OTULINL: variants seen among roughly 807,000 people sequenced by gnomAD.
OTULINL encodes OTU deubiquitinase with linear linkage specificity like.
A neutral mutation model predicts 43.9 loss-of-function variants in OTULINL; 42 were observed. That is an observed-to-expected ratio of 0.96 (90% CI 0.75 to 1.24). The LOEUF is 1.24. Ranked by LOEUF, OTULINL falls within the 50% of genes most tolerant of loss-of-function variation. The pLI is 0.00. For missense variants in OTULINL, 411 were observed against 426.4 expected (o/e 0.96, Z 0.32); for synonymous variants, 172 against 153.6 (o/e 1.12, Z -0.88).
chr5:14,584,323 A>T (rs1384797172), intron 1 of OTULINL, among the ~76,000 whole-genome samples: 2 of 152,188 alleles, frequency 1.3e-5, no homozygotes, highest in Non-Finnish European at 2.9e-5. Context: ...TTCAGGAACC[A>T]CAGGACTCAT....
At chr5:14,607,929 A>G (rs116563509) in intron 6 of OTULINL, among the ~76,000 whole-genome samples, 1,634 of 152,344 alleles carry the variant, frequency 0.011, 31 homozygotes, top group African/African-American at 0.037. Flanking sequence ...CTTGGGAAAT[A>G]ACCTTTCTGG....
chr5:14,588,020 C>T (rs558393461), intron 1 of OTULINL, among the ~76,000 whole-genome samples: 18 of 152,178 alleles, frequency 1.2e-4, no homozygotes, highest in African/African-American at 1.4e-4. Flanking sequence ...GCCTTTGGGT[C>T]GACAGGTTTA....
At position 14,611,650 on chromosome 5, in the gene OTULINL, A is replaced by T. The variant is rs1560970084; in HGVS notation, c.*1336A>T. The T allele has an allele frequency of 1.3e-5, 2 of 152,104 alleles. No individual in the cohort carries two copies. The highest frequency in any genetic ancestry group is 4.1e-4 in the South Asian group (2 of 4,832). 9.4% of individuals were successfully genotyped at this position (152,104 alleles called of 1,614,324 possible). A position where few individuals can be genotyped will look rare whatever the true frequency, so the allele number is the denominator to read the frequency against. ...GTAGCAACAGAAAACTAGTATTCTCAGGCTAGTTTTTGGTCGTCTTTATTT... is the reference window on the plus strand; with the variant it reads ...GTAGCAACAGAAAACTAGTATTCTCTGGCTAGTTTTTGGTCGTCTTTATTT... On this transcript the variant is annotated 3_prime_UTR_variant, in exon 8 of 8. Coordinates refer to ENST00000274217, the MANE Select transcript of OTULINL (RefSeq NM_019018.3).
Position 14,615,172 on chromosome 5 carries a change from T to C in OTULINL, c.*4858T>C, listed in dbSNP as rs1473368545. The stretch of plus-strand genomic sequence containing the variant: ...TGACACTGGAATGCTTTAAGGATGG[T>C]TTGTGACTTTACCCCATTGTGCCTT... On this transcript the variant is annotated 3_prime_UTR_variant, in exon 8 of 8. Coordinates refer to ENST00000274217, the MANE Select transcript of OTULINL (RefSeq NM_019018.3). 6.6e-6 allele frequency among the ~76,000 whole-genome samples: 1 copy of C among 152,190 alleles called. No homozygotes were observed. Among genetic ancestry groups the C allele is most frequent in the Non-Finnish European group, 1.5e-5 (1 of 68,028 alleles).
intron 5 of OTULINL, among the ~76,000 whole-genome samples, chr5:14,602,654 T>G (rs1759408604): frequency 6.6e-6 from 1 of 152,188 alleles, no homozygotes; most frequent in Admixed American, 6.5e-5. Flanking sequence ...CAGGCTGGTC[T>G]TGAACTTCTG....
At position 14,610,412 on chromosome 5, in the gene OTULINL, G is replaced by A; in HGVS notation, c.*98G>A. On this transcript the variant is annotated 3_prime_UTR_variant, in exon 8 of 8. Transcript: ENST00000274217. ...CCAAAGCTAGCATTTCAGCATGGAAGGAATTAGGACCTTTTCTTCAGGATT... is the reference window on the plus strand; with the variant it reads ...CCAAAGCTAGCATTTCAGCATGGAAAGAATTAGGACCTTTTCTTCAGGATT... 1.6e-6 allele frequency: 2 copies of A among 1,287,220 alleles called. No individual in the cohort carries two copies. The highest frequency in any genetic ancestry group is 2.2e-6 in the Non-Finnish European group (2 of 919,398). 79.7% of individuals were successfully genotyped at this position (1,287,220 alleles called of 1,614,324 possible).
chr5:14,586,617 A>C (rs557155219), intron 1 of OTULINL, among the ~76,000 whole-genome samples: 1 of 152,224 alleles, frequency 6.6e-6, no homozygotes, highest in Non-Finnish European at 1.5e-5. Context: ...GGATAGACAC[A>C]AAGTTACCTA....
chr5:14,581,920 G>A lies in OTULINL; in HGVS notation c.26G>A (p.Arg9Gln), dbSNP rs1759006048. The A allele has an allele frequency of 4.3e-6, 6 of 1,409,244 alleles. No individual in the cohort carries two copies. The highest frequency in any genetic ancestry group is 3.0e-5 in the African/African-American group (2 of 66,618). The allele number at this position is 1,409,244 out of a possible 1,614,324, so 87.3% of individuals were successfully genotyped here. A position where few individuals can be genotyped will look rare whatever the true frequency, so the allele number is the denominator to read the frequency against. MAATRSPT[R>Q]ARERERSGAP... is the part of the protein sequence containing the mutation. ...ATGGCGGCGACAAGGAGCCCCACGC[G>A]GGCAAGGGAGCGGGAGCGGTCTGGC... The change falls in exon 1 of 8, where the codon CGG (arginine) becomes CAG (glutamine). Residue 9 changes from arginine (R) to glutamine (Q), a missense_variant. Coordinates refer to ENST00000274217, the MANE Select transcript of OTULINL (RefSeq NM_019018.3).
rs755042860 is a variant in OTULINL at position 14,600,998 on chromosome 5, C to T, written c.98C>T (p.Thr33Ile). 9.8e-6 allele frequency: 15 copies of T among 1,535,716 alleles called. No individual in the cohort carries two copies. The Admixed American group carries it at 2.6e-4, about 27-fold the overall frequency. The change falls in exon 2 of 8, where the codon ACA becomes ATA. Residue 33 changes from threonine (T) to isoleucine (I), a missense_variant. Physicochemically the swap from Thr to Ile is moderately conservative, Grantham distance 89. Coordinates refer to ENST00000274217, the MANE Select transcript of OTULINL (RefSeq NM_019018.3). ...SDQVHSWMLA[T>I]SQALDTVWRM... ...CAAGTTCACTCCTGGATGCTAGCTACAAGCCAAGCCTTAGACACTGTCTGG... is the reference window on the plus strand; with the variant it reads ...CAAGTTCACTCCTGGATGCTAGCTATAAGCCAAGCCTTAGACACTGTCTGG...
chr5:14,602,204 C>T lies in OTULINL; in HGVS notation c.370C>T (p.Arg124Trp), dbSNP rs747354708. ...TTAGGCTTATGAGGAGCTATTTTGG[C>T]GGCATCACATTAAATGTGTTCGACA... is the stretch of plus-strand genomic sequence containing the variant. Reference protein sequence around the residue: ...MRKAYEELFWRHHIKCVRQVR... With the variant: ...MRKAYEELFWWHHIKCVRQVR... Residue 124 changes from arginine to tryptophan, a missense_variant, in exon 5 of 8, where the codon CGG (arginine) becomes TGG (tryptophan). Transcript: ENST00000274217. 23 of 1,605,412 alleles carry T rather than the reference C, an allele frequency of 1.4e-5. No individual in the cohort carries two copies. The highest frequency in any genetic ancestry group is 4.0e-5 in the African/African-American group (3 of 74,612).
In OTULINL at chr5:14,601,372, A is replaced by G. The variant is rs1362427581; in HGVS notation, c.278A>G (p.Glu93Gly). Residue 93 changes from glutamate (E) to glycine (G), a missense_variant, in exon 4 of 8, where the codon GAG (glutamate) becomes GGG (glycine). Physicochemically the swap from Glu to Gly is moderately conservative, Grantham distance 98. Coordinates refer to ENST00000274217, the MANE Select transcript of OTULINL (RefSeq NM_019018.3). Reference sequence around the variant, plus strand: ...CCAGGGAACCTCAGTGTGGAGGCAGAGGTTGATTTACTCAGTTATTGTGCA... The same window carrying G: ...CCAGGGAACCTCAGTGTGGAGGCAGGGGTTGATTTACTCAGTTATTGTGCA... ...KFKRNLSVEA[E>G]VDLLSYCARE... The G allele has an allele frequency of 6.2e-7, 1 of 1,614,174 alleles. No individual in the cohort carries two copies. Among genetic ancestry groups the G allele is most frequent in the African/African-American group, 1.3e-5 (1 of 75,044 alleles).
rs75269725 is a variant in OTULINL at position 14,593,644 on chromosome 5, A to G, written c.65-7321A>G. ...TAGTTGGGTGGATTTTTAAAATGCA[A>G]TGATTAGAAAATGAAACTTACCTTT... is the stretch of plus-strand genomic sequence containing the variant. On this transcript the variant is annotated intron_variant, in intron 1 of 7. Coordinates refer to ENST00000274217, the MANE Select transcript of OTULINL (RefSeq NM_019018.3). Among the ~76,000 whole-genome samples the G allele has an allele frequency of 2.0e-3, 308 of 152,318 alleles. 1 individual carries two copies. The highest frequency in any genetic ancestry group is 6.8e-3 in the Middle Eastern group (2 of 294).
chr5:14,598,974 A>C (rs1424972122), intron 1 of OTULINL, among the ~76,000 whole-genome samples: 1 of 152,244 alleles, frequency 6.6e-6, no homozygotes, highest in Non-Finnish European at 1.5e-5. Context: ...CTTGTGTCAG[A>C]ATTTTTAAAG....
rs778482428 is a variant in OTULINL at position 14,612,625 on chromosome 5, TTAAG to T, written c.*2314_*2317del. On this transcript the variant is annotated 3_prime_UTR_variant, in exon 8 of 8. Transcript: ENST00000274217. ...TCAGTTGTATAATGAATATAACAAA[TTAAG>T]TAGCCAGAAGGAGCTGCATGTAAAT... 10 of 152,172 alleles carry T rather than the reference TTAAG, an allele frequency of 6.6e-5. No individual in the cohort carries two copies. The highest frequency in any genetic ancestry group is 1.0e-4 in the Non-Finnish European group (7 of 68,032). 9.4% of individuals were successfully genotyped at this position (152,172 alleles called of 1,614,324 possible).
At chr5:14,592,773 A>G (rs896841234) in intron 1 of OTULINL, among the ~76,000 whole-genome samples, 3 of 152,212 alleles carry the variant, frequency 2.0e-5, no homozygotes, top group Non-Finnish European at 4.4e-5. Context: ...GGGTGGTTAC[A>G]GATCTGAACA....
chr5:14,588,833 C>T (rs181484065), intron 1 of OTULINL, among the ~76,000 whole-genome samples: 15 of 152,336 alleles, frequency 9.8e-5, no homozygotes, highest in African/African-American at 3.6e-4. Flanking sequence ...TTAACAAGCC[C>T]TTCTGAAAGT....
chr5:14,610,078 C>G (rs547737937), intron 7 of OTULINL, 63 bp from the exon 8 acceptor site: 85 of 1,441,560 alleles, frequency 5.9e-5, no homozygotes, highest in Non-Finnish European at 7.1e-5. Flanking sequence ...CTTCCCCCCA[C>G]CGTGGCGGGA....
At position 14,598,844 on chromosome 5, in the gene OTULINL, A is replaced by G. The variant is rs540992198; in HGVS notation, c.65-2121A>G. On this transcript the variant is annotated intron_variant, in intron 1 of 7. Coordinates refer to ENST00000274217, the MANE Select transcript of OTULINL (RefSeq NM_019018.3). Reference sequence around the variant, plus strand: ...CAACTTTTATAATGAGGAAAAAACTAAAATCATGTTATAGTCCATTTTTCT... The same window carrying G: ...CAACTTTTATAATGAGGAAAAAACTGAAATCATGTTATAGTCCATTTTTCT... Among the ~76,000 whole-genome samples the G allele has an allele frequency of 3.9e-5, 6 of 152,382 alleles. No homozygotes were observed. In the East Asian group the frequency reaches 1.2e-3, roughly 29 times the overall value.
chr5:14,603,121 T>C (rs2126781812), intron 5 of OTULINL, among the ~76,000 whole-genome samples: 1 of 152,356 alleles, frequency 6.6e-6, no homozygotes, highest in East Asian at 1.9e-4. Flanking sequence ...CTTAGCACAA[T>C]GCATGTTCAA....
Sources: allele counts gnomAD v4.1 joint callset (sites outside exome capture counted in the v4.1 genomes callset), GRCh38; gene constraint gnomAD v4.1.1; transcripts MANE v1.5; gene names NCBI Gene and HGNC (gene_info 2026-07-23, HGNC 2026-07-21).